The following EPHA4 variants were observed in gnomAD, a reference collection of about 807,000 sequenced individuals.
EPHA4 encodes ephrin type-A receptor 4.
In EPHA4, 19 loss-of-function variants were observed where a neutral mutation model predicts 108.3. The observed-to-expected ratio is 0.18, with a 90% confidence interval of 0.12 to 0.26. The LOEUF (loss-of-function observed/expected upper bound fraction) is 0.26. Among genes scored for constraint, EPHA4 ranks in the 10% least tolerant of loss-of-function variants. EPHA4 has a pLI of 1.00. For missense variants in EPHA4, 917 were observed against 1,254.0 expected (o/e 0.73, Z 4.06); for synonymous variants, 449 against 455.5 (o/e 0.99, Z 0.18).
intron 5 of EPHA4, among the ~76,000 whole-genome samples, chr2:221,469,325 CACAA>C (rs538309334): frequency 2.6e-5 from 4 of 152,094 alleles, no homozygotes; most frequent in African/African-American, 4.8e-5. Flanking sequence ...CCTCCAAACA[CACAA>C]ACAAATGAAA....
chr2:221,478,723 T>TCTATCTGC (rs568010216), intron 5 of EPHA4, among the ~76,000 whole-genome samples: 1 of 151,750 alleles, frequency 6.6e-6, no homozygotes, highest in African/African-American at 2.4e-5. Flanking sequence ...CTCAGACCTG[T>TCTATCTGC]CTATCTGCCT....
Position 221,476,258 on chromosome 2 carries a change from A to G in EPHA4, c.1318+6094T>C, listed in dbSNP as rs189969540. 1.6e-4 allele frequency among the ~76,000 whole-genome samples: 24 copies of G among 152,210 alleles called. No individual in the cohort carries two copies. The East Asian group carries it at 4.7e-3, about 30-fold the overall frequency. ...TTTCTGCTTGTCCCTTTGATCTCAG[A>G]CCACAACTCAGGTCCACTCCAGAGG... On this transcript the variant is annotated intron_variant, in intron 5 of 17. Coordinates refer to ENST00000281821, the MANE Select transcript of EPHA4 (RefSeq NM_004438.5).
chr2:221,503,351 T>C (rs1444880100), intron 3 of EPHA4, among the ~76,000 whole-genome samples: 1 of 152,230 alleles, frequency 6.6e-6, no homozygotes, highest in Non-Finnish European at 1.5e-5. Flanking sequence ...CAGTGACTGA[T>C]CATCACAAAG....
chr2:221,560,981 G>A (rs540574632), intron 3 of EPHA4, among the ~76,000 whole-genome samples: 5 of 152,262 alleles, frequency 3.3e-5, no homozygotes, highest in East Asian at 3.9e-4. Flanking sequence ...GGTGGCTCAC[G>A]CCTGTAATCC....
chr2:221,451,203 G>C (rs908893457), intron 8 of EPHA4, among the ~76,000 whole-genome samples: 10 of 152,274 alleles, frequency 6.6e-5, no homozygotes, highest in South Asian at 2.1e-4. Flanking sequence ...AACAGAGTGA[G>C]ACTCTGTCTC....
chr2:221,530,091 T>C (rs1693460626), intron 3 of EPHA4, among the ~76,000 whole-genome samples: 1 of 151,394 alleles, frequency 6.6e-6, no homozygotes, highest in Non-Finnish European at 1.5e-5. Context: ...CTTGTGGGGA[T>C]CAGATCTCAT....
intron 3 of EPHA4, among the ~76,000 whole-genome samples, chr2:221,514,232 C>T (rs551216655): frequency 7.2e-5 from 11 of 152,210 alleles, no homozygotes; most frequent in East Asian, 1.9e-4. Context: ...TTGACAAGGA[C>T]GACTTGGCAG....
At chr2:221,563,686 T>C (rs113826573) in intron 3 of EPHA4, 45 bp downstream of exon 3, 1 of 1,585,624 alleles carries the variant, frequency 6.3e-7, no homozygotes, top group Non-Finnish European at 8.6e-7. Flanking sequence ...ATTTAATTAC[T>C]CGCACTAAGC....
chr2:221,486,770 A>ATAG (rs1691987130), intron 4 of EPHA4, among the ~76,000 whole-genome samples: 1 of 148,428 alleles, frequency 6.7e-6, no homozygotes, highest in African/African-American at 2.5e-5. Context: ...AATAATAATA[A>ATAG]TAATAATTGA....
chr2:221,481,217 A>C (rs967071421), intron 5 of EPHA4, among the ~76,000 whole-genome samples: 2 of 152,232 alleles, frequency 1.3e-5, no homozygotes, highest in Non-Finnish European at 2.9e-5. Context: ...ATTTCATGAC[A>C]GTTCTGCGAT....
intron 4 of EPHA4, among the ~76,000 whole-genome samples, chr2:221,484,444 T>A (rs1274259131): frequency 6.6e-6 from 1 of 152,138 alleles, no homozygotes; most frequent in Non-Finnish European, 1.5e-5. Context: ...CAGCTCCCCA[T>A]CCTGTGAAAC....
intron 4 of EPHA4, among the ~76,000 whole-genome samples, chr2:221,491,670 A>G (rs899110658): frequency 6.6e-6 from 1 of 152,118 alleles, no homozygotes; most frequent in African/African-American, 2.4e-5. Context: ...ACTACTTCCC[A>G]GATGATCCTC....
At chr2:221,458,535 T>C (rs1459032033) in intron 5 of EPHA4, among the ~76,000 whole-genome samples, 2 of 152,226 alleles carry the variant, frequency 1.3e-5, no homozygotes, top group Non-Finnish European at 2.9e-5. Context: ...CAGTAAGAGT[T>C]CAGTCTGAAC....
chr2:221,516,597 G>C (rs1365497798), intron 3 of EPHA4, among the ~76,000 whole-genome samples: 1 of 152,020 alleles, frequency 6.6e-6, no homozygotes, highest in Non-Finnish European at 1.5e-5. Flanking sequence ...TCAGGTGATC[G>C]GCCCGCCTCG....
intron 7 of EPHA4, among the ~76,000 whole-genome samples, chr2:221,456,103 T>C (rs1479171271): frequency 3.3e-5 from 5 of 152,012 alleles, no homozygotes; most frequent in Admixed American, 6.6e-5. Flanking sequence ...TTAAGCACTT[T>C]AAATTTAGTC....
At chr2:221,543,822 C>T (rs574655375) in intron 3 of EPHA4, among the ~76,000 whole-genome samples, 2 of 152,198 alleles carry the variant, frequency 1.3e-5, no homozygotes, top group East Asian at 1.9e-4. Context: ...GTCCTGGTCA[C>T]GGGGGTGGAA....
chr2:221,486,368 A>G (rs1297025979), intron 4 of EPHA4, among the ~76,000 whole-genome samples: 1 of 152,148 alleles, frequency 6.6e-6, no homozygotes, highest in African/African-American at 2.4e-5. Context: ...TTTGTAACAT[A>G]TAATGGTGTC....
upstream of EPHA4, chr2:221,572,667 C>A: frequency 6.4e-6 from 1 of 155,920 alleles, no homozygotes; most frequent in Non-Finnish European, 1.4e-5. Flanking sequence ...CCACCACGGG[C>A]GGTTTAAGAT....
chr2:221,465,237 C>CA (rs1691268313), intron 5 of EPHA4, among the ~76,000 whole-genome samples: 1 of 152,046 alleles, frequency 6.6e-6, no homozygotes, highest in African/African-American at 2.4e-5. Flanking sequence ...TAAATGATTC[C>CA]AGAGTAAGAC....
Sources: gnomAD v4.1 joint callset for allele counts (sites outside exome capture counted in the v4.1 genomes callset) on GRCh38, gnomAD v4.1.1 for gene constraint, MANE v1.5 for transcripts, NCBI Gene and HGNC (gene_info 2026-07-23, HGNC 2026-07-21) for gene names.